The following MACROD2 variants were observed in gnomAD, a reference collection of about 807,000 sequenced individuals.
The protein encoded by MACROD2 is mono-ADP ribosylhydrolase 2, also known as ADP-ribose glycohydrolase MACROD2.
A neutral mutation model predicts 70.4 loss-of-function variants in MACROD2; 36 were observed. The ratio of observed to expected loss-of-function variants is 0.51; its 90% CI spans 0.39 to 0.68. MACROD2 has a LOEUF of 0.68. MACROD2 is among the 30% of genes least tolerant of loss of function. The probability of loss-of-function intolerance (pLI) is 0.00; values close to 1 mark genes in which losing one functional copy is unlikely to be tolerated. For missense variants in MACROD2, 496 were observed against 538.4 expected, an observed-to-expected ratio of 0.92 and a Z score of 0.78; for synonymous variants, 172 against 178.8, an observed-to-expected ratio of 0.96 and a Z score of 0.30.
chr20:15,905,770 A>G (rs1047194361), intron 10 of MACROD2, among the ~76,000 whole-genome samples: 1 of 152,110 alleles, frequency 6.6e-6, no homozygotes, highest in African/African-American at 2.4e-5. Flanking sequence ...TACCAGAGAG[A>G]GCCTTAAAAC....
intron 8 of MACROD2, among the ~76,000 whole-genome samples, 194 bp from the exon 9 acceptor site, chr20:15,862,551 T>TAC (rs2064438283): frequency 1.3e-5 from 2 of 151,804 alleles, no homozygotes; most frequent in South Asian, 4.2e-4. Context: ...ATATACAGAG[T>TAC]ACACACACGC....
At chr20:15,417,967 G>A (rs1396027235) in intron 6 of MACROD2, among the ~76,000 whole-genome samples, 2 of 152,160 alleles carry the variant, frequency 1.3e-5, no homozygotes, top group Admixed American at 6.5e-5. Context: ...CTCAAGGACC[G>A]AGGATGCTCA....
rs1391575681 is a variant in MACROD2, at chr20:15,088,435, AT to A, written c.419-141504del. ...TATATATATATATATATATATATAT[AT>A]ATATATATATATATAATATTTTGTG... On this transcript the variant is annotated intron_variant, in intron 5 of 17. Coordinates refer to ENST00000684519, the MANE Select transcript of MACROD2 (RefSeq NM_001351661.2). 2.6e-3 allele frequency among the ~76,000 whole-genome samples: 82 copies of A among 31,342 alleles called. 1 individual carries two copies. Among genetic ancestry groups the A allele is most frequent in the Non-Finnish European group, 4.9e-3 (50 of 10,156 alleles). The allele number at this position is 31,342 out of a possible 152,430, so 20.6% of individuals were successfully genotyped here.
At chr20:14,207,649 G>A (rs1449507950) in intron 3 of MACROD2, among the ~76,000 whole-genome samples, 3 of 152,176 alleles carry the variant, frequency 2.0e-5, no homozygotes, top group East Asian at 1.9e-4. Context: ...AAAGCTATTC[G>A]GTTATGAGGC....
At chr20:15,823,316 G>GTGTGTA (rs139668215) in intron 8 of MACROD2, among the ~76,000 whole-genome samples, 8,013 of 148,058 alleles carry the variant, frequency 0.054, 278 homozygotes, top group South Asian at 0.09. Flanking sequence ...GTGTGTGTGT[G>GTGTGTA]TGTGTCTATA....
chr20:15,923,569 G>T (rs1342871580), intron 10 of MACROD2, among the ~76,000 whole-genome samples: 1 of 152,074 alleles, frequency 6.6e-6, no homozygotes, highest in Non-Finnish European at 1.5e-5. Context: ...GAATTGATTG[G>T]AATTGCAGTG....
chr20:15,871,265 A>G (rs1026996620), intron 9 of MACROD2, among the ~76,000 whole-genome samples: 5 of 152,146 alleles, frequency 3.3e-5, no homozygotes, highest in African/African-American at 9.7e-5. Flanking sequence ...AAAACTTTAA[A>G]ATTTTACCCA....
At chr20:15,108,449 A>C (rs1181463185) in intron 5 of MACROD2, among the ~76,000 whole-genome samples, 1 of 152,156 alleles carries the variant, frequency 6.6e-6, no homozygotes, top group African/African-American at 2.4e-5. Flanking sequence ...TGGATTATTT[A>C]AGCACATGCC....
intron 3 of MACROD2, among the ~76,000 whole-genome samples, chr20:14,430,427 G>C (rs2083982268): frequency 6.6e-6 from 1 of 152,124 alleles, no homozygotes; most frequent in Non-Finnish European, 1.5e-5. Flanking sequence ...GGAATGGAAA[G>C]GAAGGATAGT....
rs2053699014 is a variant in MACROD2 at position 14,062,198 on chromosome 20, T to G, written c.164-23423T>G. Among the ~76,000 whole-genome samples, 3 of 152,282 alleles carry G rather than the reference T, an allele frequency of 2.0e-5. No homozygotes were observed. The South Asian group carries it at 6.2e-4, about 32-fold the overall frequency. On this transcript the variant is annotated intron_variant, in intron 2 of 17. Coordinates refer to ENST00000684519, the MANE Select transcript of MACROD2 (RefSeq NM_001351661.2). ...TTGACTTTGAAAGTGTCCTTTGTTTTAGCTTCTTTGTTCCATTCTTTCCTG... is the reference window on the plus strand; with the variant it reads ...TTGACTTTGAAAGTGTCCTTTGTTTGAGCTTCTTTGTTCCATTCTTTCCTG...
At chr20:15,834,818 C>T (rs1933879235) in intron 8 of MACROD2, among the ~76,000 whole-genome samples, 1 of 152,128 alleles carries the variant, frequency 6.6e-6, no homozygotes, top group Admixed American at 6.6e-5. Flanking sequence ...TGGTAGCCAG[C>T]CTTAACCATG....
intron 5 of MACROD2, among the ~76,000 whole-genome samples, chr20:15,129,243 A>G (rs1037588518): frequency 1.3e-5 from 2 of 152,094 alleles, no homozygotes; most frequent in South Asian, 2.1e-4. Flanking sequence ...ATGAAGATAT[A>G]CTTTGTATTA....
At chr20:15,089,921 A>C (rs1263688076) in intron 5 of MACROD2, among the ~76,000 whole-genome samples, 1 of 152,124 alleles carries the variant, frequency 6.6e-6, no homozygotes, top group East Asian at 1.9e-4. Context: ...GTTTTCTTGC[A>C]AATGTAAACC....
chr20:15,110,224 G>A (rs2075944158), intron 5 of MACROD2, among the ~76,000 whole-genome samples: 1 of 152,072 alleles, frequency 6.6e-6, no homozygotes, highest in Non-Finnish European at 1.5e-5. Context: ...AAGAACTTGA[G>A]GAGATCTGTT....
At chr20:15,457,805 A>G (rs557188183) in intron 7 of MACROD2, among the ~76,000 whole-genome samples, 1 of 152,138 alleles carries the variant, frequency 6.6e-6, no homozygotes, top group South Asian at 2.1e-4. Flanking sequence ...TAATGATTCA[A>G]TCTTTTAGAG....
chr20:15,643,326 C>A (rs193024487), intron 8 of MACROD2, among the ~76,000 whole-genome samples: 1 of 152,232 alleles, frequency 6.6e-6, no homozygotes, highest in Non-Finnish European at 1.5e-5. Flanking sequence ...GTCACCTGGA[C>A]TGTTCTTCCT....
rs1350733968 is a variant in MACROD2, at chr20:14,700,892, T to A, written c.418+15933T>A. ...CTTCTTGGAGAGATTTGGCTTATTGTTGATGGCCTGAAGTCCACTGTCTTG... is the reference window on the plus strand; with the variant it reads ...CTTCTTGGAGAGATTTGGCTTATTGATGATGGCCTGAAGTCCACTGTCTTG... On this transcript the variant is annotated intron_variant, in intron 5 of 17. Coordinates refer to ENST00000684519, the MANE Select transcript of MACROD2 (RefSeq NM_001351661.2). 2.6e-5 allele frequency among the ~76,000 whole-genome samples: 4 copies of A among 152,064 alleles called. No individual in the cohort carries two copies. In the South Asian group the frequency reaches 8.3e-4, roughly 31 times the overall value.
At chr20:15,647,453 G>A (rs2049565634) in intron 8 of MACROD2, among the ~76,000 whole-genome samples, 1 of 152,162 alleles carries the variant, frequency 6.6e-6, no homozygotes, top group Non-Finnish European at 1.5e-5. Context: ...GCCATGCTAA[G>A]GAGTCAGCAA....
At chr20:14,074,662 G>A (rs1051019450) in intron 2 of MACROD2, among the ~76,000 whole-genome samples, 5 of 152,112 alleles carry the variant, frequency 3.3e-5, no homozygotes, top group Admixed American at 3.3e-4. Context: ...CTGGCACTCT[G>A]TGAGGTCTCC....
Sources: gnomAD v4.1 joint callset for allele counts (sites outside exome capture counted in the v4.1 genomes callset) on GRCh38, gnomAD v4.1.1 for gene constraint, MANE v1.5 for transcripts, NCBI Gene and HGNC (gene_info 2026-07-23, HGNC 2026-07-21) for gene names.